The following WRN variants were observed in gnomAD, a reference collection of about 807,000 sequenced individuals.
WRN encodes the protein WRN RecQ like helicase, also known as bifunctional 3'-5' exonuclease/ATP-dependent helicase WRN.
Under a neutral mutation model 180.7 loss-of-function variants are expected in WRN, and 149 were observed. That is an observed-to-expected ratio of 0.82 (90% CI 0.72 to 0.94). WRN has a LOEUF of 0.94. Ranked by LOEUF, WRN falls within the 40% of genes least tolerant of loss-of-function variation. The pLI, the probability that WRN is intolerant of heterozygous loss-of-function variation, is 0.00. For synonymous variants in WRN, 548 were observed against 568.9 expected, an observed-to-expected ratio of 0.96 and a Z score of 0.52; for missense variants, 1,661 against 1,700.1, an observed-to-expected ratio of 0.98 and a Z score of 0.40.
chr8:31,040,592 T>C (rs1412046538), intron 1 of WRN, among the ~76,000 whole-genome samples: 1 of 152,212 alleles, frequency 6.6e-6, no homozygotes, highest in Non-Finnish European at 1.5e-5. Flanking sequence ...ATTGTGTCAC[T>C]TACTGCCGGT....
intron 10 of WRN, among the ~76,000 whole-genome samples, chr8:31,084,743 T>C (rs1294748914): frequency 6.6e-6 from 1 of 152,214 alleles, no homozygotes; most frequent in Non-Finnish European, 1.5e-5. Flanking sequence ...TTACAGTCAG[T>C]AGTTTTTTGC....
chr8:31,135,882 C>T (rs753705036), intron 24 of WRN, among the ~76,000 whole-genome samples: 53 of 151,808 alleles, frequency 3.5e-4, no homozygotes, highest in African/African-American at 1.0e-3. Context: ...TTGCTTTTAC[C>T]GGAAACTGAT....
At chr8:31,128,350 C>T (rs1329735570) in intron 23 of WRN, among the ~76,000 whole-genome samples, 2 of 151,888 alleles carry the variant, frequency 1.3e-5, no homozygotes, top group Non-Finnish European at 2.9e-5. Context: ...GCAACTATAG[C>T]AGTGTATCTC....
At chr8:31,134,219 G>C (rs1057042403) in intron 24 of WRN, among the ~76,000 whole-genome samples, 8 of 151,962 alleles carry the variant, frequency 5.3e-5, no homozygotes, top group African/African-American at 1.9e-4. Context: ...ATTCCTTTGA[G>C]AATTTAGTGA....
intron 33 of WRN, 106 bp from the exon 34 acceptor site, chr8:31,166,916 C>T: frequency 1.7e-6 from 2 of 1,165,842 alleles, no homozygotes; most frequent in South Asian, 1.6e-5. Flanking sequence ...TCTTTGGCAA[C>T]CTTCCACCTT....
chr8:31,126,848 C>T (rs762045847), intron 23 of WRN, among the ~76,000 whole-genome samples: 6 of 151,868 alleles, frequency 4.0e-5, no homozygotes, highest in Admixed American at 6.6e-5. Flanking sequence ...ACAAGACTGA[C>T]GGAAAGAGAA....
In WRN at chr8:31,144,370, CTG is replaced by C. The variant is rs1428937106; in HGVS notation, c.3383+749_3383+750del. On this transcript the variant is annotated intron_variant, in intron 28 of 34. Transcript: ENST00000298139. The stretch of plus-strand genomic sequence containing the variant: ...TTTTTTTTCGAGACTGAGTCTCACT[CTG>C]TTGTTCAGGCTGGAGTGCAGTAGCA... Among the ~76,000 whole-genome samples, 3 of 146,714 alleles carry C rather than the reference CTG, an allele frequency of 2.0e-5. No individual in the cohort carries two copies. The East Asian group carries it at 6.0e-4, about 29-fold the overall frequency.
At position 31,086,547 on chromosome 8, in the gene WRN, T is replaced by C. The variant is rs531333636; in HGVS notation, c.1432-1229T>C. ...TAGCCATGACCATGCCACTGCACTC[T>C]AGCCTGGGTGACAGAGTGAGACCCT... On this transcript the variant is annotated intron_variant, in intron 11 of 34. Transcript: ENST00000298139. 3.0e-4 allele frequency among the ~76,000 whole-genome samples: 45 copies of C among 151,924 alleles called. No homozygotes were observed. The South Asian group carries it at 9.4e-3, about 32-fold the overall frequency.
intron 1 of WRN, among the ~76,000 whole-genome samples, chr8:31,052,424 G>A (rs1026506676): frequency 6.6e-6 from 1 of 151,808 alleles, no homozygotes; most frequent in African/African-American, 2.4e-5. Context: ...GTCTTGCTCT[G>A]TTGCCCAGGG....
chr8:31,079,915 G>A (rs547930921), intron 8 of WRN, among the ~76,000 whole-genome samples: 36 of 151,336 alleles, frequency 2.4e-4, no homozygotes, highest in African/African-American at 8.5e-4. Context: ...TGCTCTTGTC[G>A]CCCAGGCTGG....
chr8:31,147,998 G>A (rs914399841), intron 30 of WRN, among the ~76,000 whole-genome samples: 2 of 149,208 alleles, frequency 1.3e-5, no homozygotes, highest in Non-Finnish European at 3.0e-5. Flanking sequence ...AGCTATCCTC[G>A]CACCTCAGCC....
intron 16 of WRN, among the ~76,000 whole-genome samples, chr8:31,095,786 A>G (rs1439955707): frequency 1.3e-5 from 2 of 152,184 alleles, no homozygotes; most frequent in African/African-American, 4.8e-5. Flanking sequence ...TAGCTTTATA[A>G]TAAACCTGGA....
rs751969803 is a variant in WRN, at chr8:31,087,830, A to T, written c.1486A>T (p.Lys496Ter). 3.1e-6 allele frequency: 5 copies of T among 1,613,802 alleles called. No individual in the cohort carries two copies. Among genetic ancestry groups the T allele is most frequent in the Admixed American group, 3.3e-5 (2 of 60,018 alleles). The change falls in exon 12 of 35, where the codon AAA (lysine) becomes TAA (stop). Residue 496 changes from lysine to a stop codon, truncating the protein, a stop_gained. Coordinates refer to ENST00000298139, the MANE Select transcript of WRN (RefSeq NM_000553.6). LOFTEE classifies it high-confidence loss of function. ...AGAACCAACTCATTCTAAATGCTTA[A>T]AAATGGAAAGAAATCTGGGTCTTCC... Reference protein sequence around the residue: ...TVEPTHSKCLKMERNLGLPTK... With the variant: ...TVEPTHSKCL
At chr8:31,066,804 A>G (rs1408271660) in intron 5 of WRN, among the ~76,000 whole-genome samples, 1 of 152,162 alleles carries the variant, frequency 6.6e-6, no homozygotes, top group African/African-American at 2.4e-5. Context: ...CAATATTTTT[A>G]AAGTCCAAGA....
chr8:31,136,008 G>A (rs1802384568), intron 24 of WRN, among the ~76,000 whole-genome samples: 1 of 152,022 alleles, frequency 6.6e-6, no homozygotes, highest in African/African-American at 2.4e-5. Flanking sequence ...TTTCCACCTG[G>A]TTTATAAAGG....
intron 1 of WRN, among the ~76,000 whole-genome samples, chr8:31,042,197 A>G (rs529154980): frequency 1.1e-4 from 17 of 152,220 alleles, no homozygotes; most frequent in Non-Finnish European, 2.4e-4. Flanking sequence ...TGGTAATAAC[A>G]TAGTATCTTT....
In WRN at chr8:31,175,603, G is replaced by C. The variant is rs933304224; in HGVS notation, c.*2501G>C. ...GAAACTATTACTTGTCCACTTTTTG[G>C]TAAAATTTCAGAGAACAATGTCCAC... On this transcript the variant is annotated 3_prime_UTR_variant, in exon 35 of 35. Transcript: ENST00000298139. Among the ~76,000 whole-genome samples the C allele has an allele frequency of 1.3e-5, 2 of 152,106 alleles. No individual in the cohort carries two copies. The highest frequency in any genetic ancestry group is 2.4e-5 in the African/African-American group (1 of 41,426).
chr8:31,123,961 G>T (rs1801821949), intron 21 of WRN, among the ~76,000 whole-genome samples: 1 of 152,010 alleles, frequency 6.6e-6, no homozygotes, highest in Admixed American at 6.6e-5. Flanking sequence ...ATTGAGAAAG[G>T]AACTTAATTC....
In WRN at chr8:31,068,281, T is replaced by C; in HGVS notation, c.678T>C (p.Asn226=). The change falls in exon 7 of 35, where the codon AAT becomes AAC. Residue 226 remains asparagine (N), a synonymous_variant. Coordinates refer to ENST00000298139, the MANE Select transcript of WRN (RefSeq NM_000553.6). ...AGGCTGGTTTTATTATTTACCGAAATTTAGAGATTTTGGATGATACTGTGC... is the reference window on the plus strand; with the variant it reads ...AGGCTGGTTTTATTATTTACCGAAACTTAGAGATTTTGGATGATACTGTGC... ...DAYAGFIIYR[N]LEILDDTVQR... 6.2e-7 allele frequency: 1 copy of C among 1,608,650 alleles called. No individual in the cohort carries two copies. The highest frequency in any genetic ancestry group is 8.5e-7 in the Non-Finnish European group (1 of 1,176,174).
Sources: gnomAD v4.1 joint callset for allele counts (sites outside exome capture counted in the v4.1 genomes callset) on GRCh38, gnomAD v4.1.1 for gene constraint, MANE v1.5 for transcripts, NCBI Gene and HGNC (gene_info 2026-07-23, HGNC 2026-07-21) for gene names.